The following ABCA4 variants were observed in gnomAD, a reference collection of about 807,000 sequenced individuals.
ABCA4 encodes retinal-specific phospholipid-transporting ATPase ABCA4.
ABCA4 carries 196 observed loss-of-function variants against 263.7 expected under a neutral mutation model. That is an observed-to-expected ratio of 0.74 (90% CI 0.66 to 0.84). The LOEUF (loss-of-function observed/expected upper bound fraction) is 0.84. Ranked by LOEUF, ABCA4 falls within the 40% of genes least tolerant of loss-of-function variation. ABCA4 has a pLI of 0.00. For synonymous variants in ABCA4, 1,133 were observed against 1,094.2 expected (o/e 1.04, Z -0.70); for missense variants, 2,792 against 2,855.1 (o/e 0.98, Z 0.50).
intron 14 of ABCA4, 101 bp downstream of exon 14, chr1:94,060,436 C>G: frequency 8.8e-7 from 1 of 1,131,574 alleles, no homozygotes; most frequent in Non-Finnish European, 1.3e-6. Flanking sequence ...ATGTCACGCT[C>G]TCCTTGGTGG....
intron 1 of ABCA4, among the ~76,000 whole-genome samples, chr1:94,117,007 T>TTTCTTTC (rs779360108): frequency 0.028 from 3,310 of 116,216 alleles, 68 homozygotes; most frequent in Non-Finnish European, 0.039. Context: ...TCTTTCTTTC[T>TTTCTTTC]TTCTTTCTTT....
intron 7 of ABCA4, 57 bp downstream of exon 7, chr1:94,083,295 G>T: frequency 3.0e-6 from 4 of 1,318,510 alleles, no homozygotes; most frequent in Non-Finnish European, 2.2e-6. Context: ...TGACATAAGT[G>T]GGGTAAATGG....
At chr1:94,016,653 A>G (rs1659755263) in intron 36 of ABCA4, among the ~76,000 whole-genome samples, 1 of 152,100 alleles carries the variant, frequency 6.6e-6, no homozygotes, top group Non-Finnish European at 1.5e-5. Context: ...AACTAGAATG[A>G]GCCCTGTGGA....
intron 26 of ABCA4, among the ~76,000 whole-genome samples, chr1:94,033,151 G>T (rs1272136743): frequency 6.6e-6 from 1 of 152,194 alleles, no homozygotes; most frequent in African/African-American, 2.4e-5. Flanking sequence ...AAGGCATGGT[G>T]GCTCATGCCT....
chr1:94,003,354 C>CT lies in ABCA4; in HGVS notation c.6148-1363dup, dbSNP rs57286064. Among the ~76,000 whole-genome samples the CT allele has an allele frequency of 1.5e-3, 220 of 142,676 alleles. 1 individual carries two copies. Among genetic ancestry groups the CT allele is most frequent in the South Asian group, 3.6e-3 (16 of 4,444 alleles). The allele number at this position is 142,676 out of a possible 152,430, so 93.6% of individuals were successfully genotyped here. On this transcript the variant is annotated intron_variant, in intron 44 of 49. Coordinates refer to ENST00000370225, the MANE Select transcript of ABCA4 (RefSeq NM_000350.3). ...TTATGTTTTTGAAGAATACAGTCTC[C>CT]TTTTTTTTTTTTTAAGGAATATTCC...
chr1:94,025,826 G>A (rs920793181), intron 30 of ABCA4, among the ~76,000 whole-genome samples: 1 of 152,154 alleles, frequency 6.6e-6, no homozygotes, highest in Non-Finnish European at 1.5e-5. Flanking sequence ...TCCCCCGTAG[G>A]ATATCATTTT....
chr1:94,060,610 A>T lies in ABCA4; in HGVS notation c.2087T>A (p.Ile696Asn). Residue 696 changes from isoleucine to asparagine, a missense_variant, in exon 14 of 50, where the codon ATT becomes AAT. Ile to Asn is a moderately radical substitution (Grantham distance 149, BLOSUM62 -3). Transcript: ENST00000370225. ...GCTGTCCAGGAACCAGGTACACCAAATCACTGCATTGGAGACACCCTGATT... is the reference window on the plus strand; with the variant it reads ...GCTGTCCAGGAACCAGGTACACCAATTCACTGCATTGGAGACACCCTGATT... ...LKNQGVSNAV[I>N]WCTWFLDSFS... 1 of 1,614,174 alleles carries T rather than the reference A, an allele frequency of 6.2e-7. No homozygotes were observed. The highest frequency in any genetic ancestry group is 8.5e-7 in the Non-Finnish European group (1 of 1,180,032).
At chr1:94,046,806 A>G in intron 19 of ABCA4, 113 bp downstream of exon 19, 2 of 1,391,440 alleles carry the variant, frequency 1.4e-6, no homozygotes, top group South Asian at 1.2e-5. Context: ...TTGGGGCCGC[A>G]AATATTTGTC....
chr1:94,063,028 T>G (rs1661173439), intron 12 of ABCA4, 84 bp downstream of exon 12: 1 of 1,303,918 alleles, frequency 7.7e-7, no homozygotes, highest in Non-Finnish European at 1.1e-6. Context: ...GATTTATGAG[T>G]CCAGTCTCAA....
rs1005271380 is a variant in ABCA4 at position 94,111,489 on chromosome 1, C to CTTTG, written c.247_250dup (p.Ser84ThrfsTer16). The CTTTG allele has an allele frequency of 6.8e-6, 11 of 1,614,066 alleles. No individual in the cohort carries two copies. The highest frequency in any genetic ancestry group is 1.7e-5 in the Admixed American group (1 of 60,010). On this transcript the variant is annotated frameshift_variant, in exon 3 of 50. Coordinates refer to ENST00000370225, the MANE Select transcript of ABCA4 (RefSeq NM_000350.3). LOFTEE classifies it high-confidence loss of function. Reference sequence around the variant, plus strand: ...TCCAGGAGATTCTCCTGGGGTGGGGCTTTGAAAACAGGGATTGTTCACATT... The same window carrying CTTTG: ...TCCAGGAGATTCTCCTGGGGTGGGGCTTTGTTTGAAAACAGGGATTGTTCACATT...
intron 26 of ABCA4, among the ~76,000 whole-genome samples, chr1:94,036,467 C>G (rs1326906555): frequency 6.6e-6 from 1 of 151,576 alleles, no homozygotes; most frequent in Non-Finnish European, 1.5e-5. Context: ...ACCTCTGCCT[C>G]CCAGGTTCAA....
chr1:93,996,246 A>G (rs762626050), intron 48 of ABCA4, 51 bp from the exon 49 acceptor site: 1 of 1,368,146 alleles, frequency 7.3e-7, no homozygotes, highest in Non-Finnish European at 1.0e-6. Context: ...GGAAAACAGC[A>G]CCCTACACCC....
intron 30 of ABCA4, 127 bp downstream of exon 30, chr1:94,029,318 G>T (rs976255683): frequency 8.4e-6 from 8 of 955,728 alleles, no homozygotes; most frequent in South Asian, 1.8e-5. Flanking sequence ...CAGGGAGTTT[G>T]GTTTAGTCCC....
chr1:94,109,814 G>C (rs1662553696), intron 3 of ABCA4, among the ~76,000 whole-genome samples: 1 of 152,204 alleles, frequency 6.6e-6, no homozygotes, highest in Non-Finnish European at 1.5e-5. Context: ...AAGATTGCTT[G>C]AATGGGTTTC....
At chr1:94,104,665 G>A (rs1435017634) in intron 4 of ABCA4, among the ~76,000 whole-genome samples, 1 of 152,158 alleles carries the variant, frequency 6.6e-6, no homozygotes, top group Non-Finnish European at 1.5e-5. Flanking sequence ...ACAGTAATGG[G>A]TTCCCTGAGA....
Position 94,112,977 on chromosome 1 carries a change from A to C in ABCA4, c.156T>G (p.His52Gln), listed in dbSNP as rs557725292. Residue 52 changes from histidine (H) to glutamine (Q), a missense_variant, in exon 2 of 50, where the codon CAT becomes CAG. Coordinates refer to ENST00000370225, the MANE Select transcript of ABCA4 (RefSeq NM_000350.3). ...AAGCTACCCTGCTATGCTTACATTCATGATGGCTGTAGAGTGGGTTGGCAT... is the reference window on the plus strand; with the variant it reads ...AAGCTACCCTGCTATGCTTACATTCCTGATGGCTGTAGAGTGGGTTGGCAT... ...LRNANPLYSH[H>Q]ECHFPNKAMP... The C allele has an allele frequency of 5.0e-6, 8 of 1,613,088 alleles. No homozygotes were observed. In the African/African-American group the frequency reaches 1.1e-4, roughly 22 times the overall value.
chr1:94,009,844 G>T (rs529896428), intron 40 of ABCA4, among the ~76,000 whole-genome samples: 1 of 152,310 alleles, frequency 6.6e-6, no homozygotes, highest in South Asian at 2.1e-4. Context: ...AAAAGGTATG[G>T]CCAAGGCTGC....
intron 44 of ABCA4, among the ~76,000 whole-genome samples, chr1:94,005,198 G>A (rs1419451252): frequency 3.3e-5 from 5 of 152,148 alleles, no homozygotes; most frequent in Non-Finnish European, 5.9e-5. Flanking sequence ...TGAGTCAGAG[G>A]ATAAATGCAT....
At chr1:94,080,946 C>T (rs1462571758) in intron 7 of ABCA4, among the ~76,000 whole-genome samples, 2 of 152,240 alleles carry the variant, frequency 1.3e-5, no homozygotes, top group South Asian at 2.1e-4. Flanking sequence ...ACAGAGTGGC[C>T]GGGCGCAGTG....
Sources: gnomAD v4.1 joint callset for allele counts (sites outside exome capture counted in the v4.1 genomes callset) on GRCh38, gnomAD v4.1.1 for gene constraint, MANE v1.5 for transcripts, NCBI Gene and HGNC (gene_info 2026-07-23, HGNC 2026-07-21) for gene names.